Variants in ABLIM3 observed in about 807,000 individuals in gnomAD.
ABLIM3 encodes the protein actin binding LIM protein family member 3, also known as actin-binding LIM protein 3.
Under a neutral mutation model 109.5 loss-of-function variants are expected in ABLIM3, and 61 were observed. The ratio of observed to expected loss-of-function variants is 0.56; its 90% CI spans 0.45 to 0.69. The LOEUF (loss-of-function observed/expected upper bound fraction) is 0.69. Among genes scored for constraint, ABLIM3 ranks in the 30% least tolerant of loss-of-function variants. The pLI is 0.00. For synonymous variants in ABLIM3, 300 were observed against 324.8 expected (o/e 0.92, Z 0.82); for missense variants, 796 against 889.5 (o/e 0.89, Z 1.34).
intron 2 of ABLIM3, among the ~76,000 whole-genome samples, chr5:149,154,889 A>G (rs1239311115): frequency 1.3e-5 from 2 of 152,218 alleles, no homozygotes; most frequent in Admixed American, 1.3e-4. Flanking sequence ...ACGCTTCACA[A>G]GAGTCCTAGA....
At chr5:149,228,196 G>C (rs1297438596) in intron 8 of ABLIM3, among the ~76,000 whole-genome samples, 1 of 152,186 alleles carries the variant, frequency 6.6e-6, no homozygotes, top group Non-Finnish European at 1.5e-5. Context: ...GGTGTTAAAT[G>C]TTCCTTGCCT....
intron 2 of ABLIM3, among the ~76,000 whole-genome samples, chr5:149,147,359 A>C (rs1284371602): frequency 6.6e-6 from 1 of 152,094 alleles, no homozygotes; most frequent in African/African-American, 2.4e-5. Flanking sequence ...TATGTGGCGA[A>C]TCAATTTATT....
chr5:149,253,571 A>G (rs1027990612), intron 23 of ABLIM3, among the ~76,000 whole-genome samples: 3 of 152,228 alleles, frequency 2.0e-5, no homozygotes, highest in Non-Finnish European at 4.4e-5. Flanking sequence ...GGAGACCACT[A>G]AGGCCTGAGG....
chr5:149,224,405 A>G (rs2127536351), intron 8 of ABLIM3, among the ~76,000 whole-genome samples: 1 of 152,200 alleles, frequency 6.6e-6, no homozygotes, highest in East Asian at 1.9e-4. Context: ...CTCTTTATTA[A>G]GCTTCAGGCC....
At chr5:149,247,490 TG>T in intron 17 of ABLIM3, 1 of 542,766 alleles carries the variant, frequency 1.8e-6, no homozygotes, top group Non-Finnish European at 3.4e-6. Flanking sequence ...GGTGGCTATC[TG>T]CCCATTGTTG....
At chr5:149,159,229 C>T (rs772230843) in intron 2 of ABLIM3, among the ~76,000 whole-genome samples, 1 of 152,120 alleles carries the variant, frequency 6.6e-6, no homozygotes, top group Non-Finnish European at 1.5e-5. Context: ...CATGCCAAAA[C>T]ATGAATGAAT....
intron 16 of ABLIM3, among the ~76,000 whole-genome samples, chr5:149,245,760 T>C (rs1475327682): frequency 6.6e-6 from 1 of 152,104 alleles, no homozygotes; most frequent in Non-Finnish European, 1.5e-5. Flanking sequence ...ACCCAAGCTG[T>C]TCCTTTCAAG....
chr5:149,169,032 G>A (rs773282149), intron 2 of ABLIM3, among the ~76,000 whole-genome samples: 74 of 136,468 alleles, frequency 5.4e-4, no homozygotes, highest in Non-Finnish European at 9.3e-4. Flanking sequence ...TACAGTAAAA[G>A]CACCTTGAAG....
intron 3 of ABLIM3, among the ~76,000 whole-genome samples, chr5:149,191,189 T>G (rs894036836): frequency 5.9e-5 from 9 of 152,068 alleles, no homozygotes; most frequent in African/African-American, 2.2e-4. Flanking sequence ...TCTGGCAAAA[T>G]TATTCAAGTA....
At position 149,245,432 on chromosome 5, in the gene ABLIM3, G is replaced by A. The variant is rs56063579; in HGVS notation, c.1486+417G>A. On this transcript the variant is annotated intron_variant, in intron 16 of 23. Transcript: ENST00000309868. ...ACTTCTGCAAAGACCCAGGATGTGAGAGAGGATTCCACTGGAGGAAAGAAA... is the reference window on the plus strand; with the variant it reads ...ACTTCTGCAAAGACCCAGGATGTGAAAGAGGATTCCACTGGAGGAAAGAAA... Among the ~76,000 whole-genome samples, 192 of 152,372 alleles carry A rather than the reference G, an allele frequency of 1.3e-3. 1 individual carries two copies. Among genetic ancestry groups the A allele is most frequent in the African/African-American group, 4.2e-3 (175 of 41,590 alleles).
At chr5:149,155,105 C>T (rs898427789) in intron 2 of ABLIM3, among the ~76,000 whole-genome samples, 1 of 152,188 alleles carries the variant, frequency 6.6e-6, no homozygotes, top group African/African-American at 2.4e-5. Flanking sequence ...TGGATAAAGT[C>T]ACATGAGCTA....
chr5:149,244,711 C>A (rs1753181594), intron 15 of ABLIM3, 170 bp from the exon 16 acceptor site: 1 of 787,914 alleles, frequency 1.3e-6, no homozygotes, highest in Non-Finnish European at 2.1e-6. Context: ...AGGGTTTGGC[C>A]CCAGTGCTTT....
chr5:149,197,879 C>T (rs1370271857), intron 3 of ABLIM3, among the ~76,000 whole-genome samples: 1 of 152,194 alleles, frequency 6.6e-6, no homozygotes, highest in Admixed American at 6.5e-5. Context: ...TGAGGGAATG[C>T]TGTTCAAATG....
At chr5:149,222,661 CTTTTTTTT>C (rs552243427) in intron 8 of ABLIM3, among the ~76,000 whole-genome samples, 135 of 124,386 alleles carry the variant, frequency 1.1e-3, no homozygotes, top group Admixed American at 1.1e-3. Context: ...TTTCAGATTA[CTTTTTTTT>C]TTTTTTTTTT....
chr5:149,193,275 A>C (rs1341582575), intron 3 of ABLIM3, among the ~76,000 whole-genome samples: 2 of 152,106 alleles, frequency 1.3e-5, no homozygotes, highest in Non-Finnish European at 2.9e-5. Flanking sequence ...AAAGTCAATA[A>C]GAATTTATTA....
At chr5:149,203,627 C>G (rs971032850) in intron 5 of ABLIM3, among the ~76,000 whole-genome samples, 13 of 152,192 alleles carry the variant, frequency 8.5e-5, no homozygotes, top group Admixed American at 2.0e-4. Flanking sequence ...CAATCACCAC[C>G]ACCTTCGCCA....
chr5:149,242,765 A>C (rs1462633097), intron 15 of ABLIM3, among the ~76,000 whole-genome samples: 1 of 152,148 alleles, frequency 6.6e-6, no homozygotes, highest in Non-Finnish European at 1.5e-5. Context: ...CCACCTTTGC[A>C]ATCTCCCCCT....
At chr5:149,145,853 A>G (rs960046133) in intron 2 of ABLIM3, among the ~76,000 whole-genome samples, 6 of 151,904 alleles carry the variant, frequency 3.9e-5, no homozygotes, top group Admixed American at 6.6e-5. Flanking sequence ...TGTAACAAAC[A>G]TGGAACACTG....
chr5:149,252,097 A>G, intron 21 of ABLIM3, 104 bp from the exon 22 acceptor site: 1 of 1,342,654 alleles, frequency 7.4e-7, no homozygotes. Context: ...AGGAGACAAT[A>G]GAGGCCAGAC....
Sources: allele counts gnomAD v4.1 joint callset (sites outside exome capture counted in the v4.1 genomes callset), GRCh38; gene constraint gnomAD v4.1.1; transcripts MANE v1.5; gene names NCBI Gene and HGNC (gene_info 2026-07-23, HGNC 2026-07-21).